CLYBL: variants seen among roughly 807,000 people sequenced by gnomAD.
CLYBL encodes the protein citramalyl-CoA lyase, also known as citramalyl-CoA lyase, mitochondrial.
In CLYBL, 31 loss-of-function variants were observed where a neutral mutation model predicts 38.9. The observed-to-expected ratio is 0.80, with a 90% confidence interval of 0.60 to 1.08. CLYBL has a LOEUF of 1.08. CLYBL is among the 50% of genes least tolerant of loss of function. The pLI is 0.00. For missense variants in CLYBL, 434 were observed against 411.6 expected (o/e 1.05, Z -0.47); for synonymous variants, 171 against 158.6 (o/e 1.08, Z -0.59).
At chr13:99,649,870 AG>A (rs999695286) in intron 1 of CLYBL, among the ~76,000 whole-genome samples, 1 of 151,862 alleles carries the variant, frequency 6.6e-6, no homozygotes, top group African/African-American at 2.4e-5. Flanking sequence ...TTGTCTCAAA[AG>A]AAAAAAAAAA....
At chr13:99,859,162 G>A in intron 3 of CLYBL, 113 bp downstream of exon 3, 4 of 701,830 alleles carry the variant, frequency 5.7e-6, no homozygotes, top group South Asian at 2.6e-5. Flanking sequence ...CAGAGAGGAA[G>A]GGAATTGAGA....
chr13:99,846,851 G>A (rs945797199), intron 2 of CLYBL, among the ~76,000 whole-genome samples: 3 of 152,210 alleles, frequency 2.0e-5, no homozygotes, highest in Admixed American at 6.5e-5. Flanking sequence ...CTACAGCAAC[G>A]TGGGCACAGC....
intron 1 of CLYBL, among the ~76,000 whole-genome samples, chr13:99,627,417 A>G (rs2046885763): frequency 6.6e-6 from 1 of 152,186 alleles, no homozygotes; most frequent in African/African-American, 2.4e-5. Context: ...CAAAGTAAAT[A>G]ATTTTTGGCA....
At chr13:99,855,416 G>A (rs531413195) in intron 2 of CLYBL, among the ~76,000 whole-genome samples, 1 of 152,256 alleles carries the variant, frequency 6.6e-6, no homozygotes, top group South Asian at 2.1e-4. Context: ...GAGAGCTGGG[G>A]TCAGCCAGGC....
chr13:99,613,679 G>A (rs552834469), intron 1 of CLYBL, among the ~76,000 whole-genome samples: 8 of 145,680 alleles, frequency 5.5e-5, no homozygotes, highest in Admixed American at 3.5e-4. Context: ...CTGAAAAGGA[G>A]GCAGGGTAAA....
At chr13:99,771,318 A>T (rs547755341) in intron 1 of CLYBL, among the ~76,000 whole-genome samples, 1 of 152,296 alleles carries the variant, frequency 6.6e-6, no homozygotes, top group African/African-American at 2.4e-5. Context: ...AAGTATTGGA[A>T]TTAGAGGCGT....
chr13:99,773,099 T>A, intron 2 of CLYBL, 89 bp downstream of exon 2: 1 of 1,095,772 alleles, frequency 9.1e-7, no homozygotes, highest in Non-Finnish European at 1.3e-6. Flanking sequence ...TTTGGAAAGA[T>A]TCTACCACAC....
chr13:99,788,159 A>G (rs1418013547), intron 2 of CLYBL, among the ~76,000 whole-genome samples: 1 of 152,194 alleles, frequency 6.6e-6, no homozygotes, highest in Non-Finnish European at 1.5e-5. Flanking sequence ...GGACAATTTG[A>G]CTTCCTCATT....
chr13:99,799,377 T>TCACACACACACACA (rs142411916), intron 2 of CLYBL, among the ~76,000 whole-genome samples: 49,089 of 150,036 alleles, frequency 0.33, 8,281 homozygotes, highest in East Asian at 0.58. Context: ...ATACACACAT[T>TCACACACACACACA]CACACACACA....
intron 1 of CLYBL, among the ~76,000 whole-genome samples, chr13:99,750,280 C>T (rs1405236511): frequency 1.3e-5 from 2 of 152,140 alleles, no homozygotes; most frequent in East Asian, 1.9e-4. Context: ...TGGATATGTG[C>T]ACACTTTTCT....
chr13:99,785,675 CA>C (rs2049774911), intron 2 of CLYBL, among the ~76,000 whole-genome samples: 4 of 151,730 alleles, frequency 2.6e-5, no homozygotes, highest in African/African-American at 9.7e-5. Flanking sequence ...CTGCTCACTG[CA>C]ACATCTGCCT....
At chr13:99,826,866 C>T (rs1299703114) in intron 2 of CLYBL, among the ~76,000 whole-genome samples, 2 of 152,196 alleles carry the variant, frequency 1.3e-5, no homozygotes, top group Non-Finnish European at 2.9e-5. Context: ...CACCACCGAG[C>T]TGGAGTTGTC....
intron 1 of CLYBL, among the ~76,000 whole-genome samples, chr13:99,623,177 C>A (rs2046821977): frequency 6.6e-6 from 1 of 152,178 alleles, no homozygotes; most frequent in Non-Finnish European, 1.5e-5. Context: ...GAGGAACCAC[C>A]AAACTGTTTT....
At chr13:99,681,251 C>G (rs1447078398) in intron 1 of CLYBL, among the ~76,000 whole-genome samples, 2 of 152,064 alleles carry the variant, frequency 1.3e-5, no homozygotes, top group African/African-American at 4.8e-5. Flanking sequence ...TAGTATCGTA[C>G]CCATGTTACA....
intron 1 of CLYBL, among the ~76,000 whole-genome samples, chr13:99,708,477 A>G (rs1030555391): frequency 3.3e-5 from 5 of 152,236 alleles, no homozygotes; most frequent in Admixed American, 3.3e-4. Flanking sequence ...ATGGACGGAT[A>G]GTGGTTAGCC....
intron 2 of CLYBL, among the ~76,000 whole-genome samples, chr13:99,844,836 A>C (rs1341851039): frequency 6.6e-6 from 1 of 152,236 alleles, no homozygotes; most frequent in Admixed American, 6.5e-5. Flanking sequence ...GGGCATTCAA[A>C]GTCACTGTCA....
chr13:99,646,679 A>ATTTTTT (rs1176000168), intron 1 of CLYBL, among the ~76,000 whole-genome samples: 4 of 128,858 alleles, frequency 3.1e-5, no homozygotes, highest in Non-Finnish European at 3.3e-5. Flanking sequence ...CACCTGGCTA[A>ATTTTTT]TTTTTTTTTT....
At chr13:99,613,216 G>A (rs2046656486) in intron 1 of CLYBL, among the ~76,000 whole-genome samples, 1 of 152,050 alleles carries the variant, frequency 6.6e-6, no homozygotes, top group Non-Finnish European at 1.5e-5. Flanking sequence ...AGGGCTCCCT[G>A]GCTGTATGTG....
intron 1 of CLYBL, among the ~76,000 whole-genome samples, chr13:99,771,013 C>T (rs111591456): frequency 0.017 from 2,294 of 137,532 alleles, 61 homozygotes; most frequent in African/African-American, 0.058. Flanking sequence ...AGCCACCACG[C>T]GGGGCCCTTT....
Sources: allele counts gnomAD v4.1 joint callset (sites outside exome capture counted in the v4.1 genomes callset), GRCh38; gene constraint gnomAD v4.1.1; transcripts MANE v1.5; gene names NCBI Gene and HGNC (gene_info 2026-07-23, HGNC 2026-07-21).